PIK3AP1: variants seen among roughly 807,000 people sequenced by gnomAD.
The protein encoded by PIK3AP1 is phosphoinositide-3-kinase adaptor protein 1.
In PIK3AP1, 21 loss-of-function variants were observed where a neutral mutation model predicts 88.1. That is an observed-to-expected ratio of 0.24 (90% CI 0.17 to 0.34). PIK3AP1 has a LOEUF of 0.34. Ranked by LOEUF, PIK3AP1 falls within the 10% of genes least tolerant of loss-of-function variation. The pLI is 1.00. For synonymous variants in PIK3AP1, 398 were observed against 400.0 expected, an observed-to-expected ratio of 1.00 and a Z score of 0.06; for missense variants, 828 against 1,035.7, an observed-to-expected ratio of 0.80 and a Z score of 2.75.
intron 2 of PIK3AP1, among the ~76,000 whole-genome samples, chr10:96,658,816 T>C (rs1223310378): frequency 1.4e-5 from 2 of 146,322 alleles, no homozygotes; most frequent in East Asian, 3.8e-4. Context: ...TGTTAAGAGG[T>C]AGAGCAAAGG....
At chr10:96,647,162 C>T (rs1843470928) in intron 7 of PIK3AP1, among the ~76,000 whole-genome samples, 1 of 152,184 alleles carries the variant, frequency 6.6e-6, no homozygotes, top group Non-Finnish European at 1.5e-5. Flanking sequence ...GATGGTATGA[C>T]CTAGATTGAC....
At chr10:96,674,057 A>G (rs1410536795) in intron 2 of PIK3AP1, among the ~76,000 whole-genome samples, 2 of 152,102 alleles carry the variant, frequency 1.3e-5, no homozygotes, top group Non-Finnish European at 2.9e-5. Flanking sequence ...GGCTGGGTGG[A>G]GGTGGGGGTG....
intron 16 of PIK3AP1, among the ~76,000 whole-genome samples, chr10:96,599,915 T>G (rs1848855960): frequency 6.6e-6 from 1 of 152,180 alleles, no homozygotes; most frequent in Admixed American, 6.5e-5. Flanking sequence ...TTTTACACAT[T>G]TACATGCTTC....
At chr10:96,596,321 T>C (rs1043796471) in intron 16 of PIK3AP1, among the ~76,000 whole-genome samples, 1 of 152,216 alleles carries the variant, frequency 6.6e-6, no homozygotes, top group South Asian at 2.1e-4. Flanking sequence ...TAAAAGCTCT[T>C]GTCCACATTT....
At chr10:96,657,782 T>C (rs1843634933) in intron 2 of PIK3AP1, among the ~76,000 whole-genome samples, 1 of 152,064 alleles carries the variant, frequency 6.6e-6, no homozygotes, top group South Asian at 2.1e-4. Context: ...TAAGAATGGT[T>C]GAGAGGGCTG....
intron 2 of PIK3AP1, among the ~76,000 whole-genome samples, chr10:96,693,191 T>C (rs1185372068): frequency 6.6e-6 from 1 of 152,258 alleles, no homozygotes; most frequent in East Asian, 1.9e-4. Flanking sequence ...CTCACATTCA[T>C]TCTATTCAGT....
At chr10:96,709,227 T>C (rs1241575245) in intron 2 of PIK3AP1, among the ~76,000 whole-genome samples, 1 of 151,852 alleles carries the variant, frequency 6.6e-6, no homozygotes, top group African/African-American at 2.4e-5. Flanking sequence ...TGGGCAGTCT[T>C]GTTCCTCACA....
chr10:96,694,775 G>C (rs1264213911), intron 2 of PIK3AP1, among the ~76,000 whole-genome samples: 1 of 152,044 alleles, frequency 6.6e-6, no homozygotes, highest in Non-Finnish European at 1.5e-5. Flanking sequence ...CTGGGCTCAA[G>C]CAATCCTCCC....
intron 2 of PIK3AP1, among the ~76,000 whole-genome samples, chr10:96,705,346 C>T (rs1844347705): frequency 6.6e-6 from 1 of 152,090 alleles, no homozygotes; most frequent in South Asian, 2.1e-4. Flanking sequence ...CCAACCCTGG[C>T]CCCAAAGCTA....
intron 8 of PIK3AP1, among the ~76,000 whole-genome samples, chr10:96,639,972 G>A (rs973451242): frequency 2.5e-4 from 38 of 152,222 alleles, no homozygotes; most frequent in African/African-American, 9.2e-4. Flanking sequence ...CCAGCTTGCA[G>A]AGAGGGGCTG....
chr10:96,689,812 C>T (rs1844127515), intron 2 of PIK3AP1, among the ~76,000 whole-genome samples: 1 of 152,098 alleles, frequency 6.6e-6, no homozygotes, highest in Non-Finnish European at 1.5e-5. Flanking sequence ...TCCTGCTGGT[C>T]CTGTCTGCTT....
At chr10:96,706,289 G>A (rs1327339140) in intron 2 of PIK3AP1, among the ~76,000 whole-genome samples, 1 of 152,168 alleles carries the variant, frequency 6.6e-6, no homozygotes, top group Non-Finnish European at 1.5e-5. Flanking sequence ...TGGGCAGCTG[G>A]TGTAGTAACG....
chr10:96,663,594 T>C (rs1963240), intron 2 of PIK3AP1, among the ~76,000 whole-genome samples: 81,742 of 139,510 alleles, frequency 0.59, 24,398 homozygotes, highest in African/African-American at 0.77. Flanking sequence ...CGCACCACTG[T>C]ACTCCAGCCT....
At chr10:96,658,613 T>C (rs1268767512) in intron 2 of PIK3AP1, among the ~76,000 whole-genome samples, 1 of 152,004 alleles carries the variant, frequency 6.6e-6, no homozygotes, top group Non-Finnish European at 1.5e-5. Flanking sequence ...TAGCCTAGAG[T>C]GGAGGTCCCG....
intron 2 of PIK3AP1, chr10:96,700,806 CT>C: frequency 1.0e-6 from 1 of 985,636 alleles, no homozygotes; most frequent in Non-Finnish European, 1.2e-6. Context: ...GACTTACCAT[CT>C]GCGAGGCCAC....
intron 8 of PIK3AP1, among the ~76,000 whole-genome samples, chr10:96,644,035 G>C (rs1053481883): frequency 6.6e-6 from 1 of 152,254 alleles, no homozygotes; most frequent in Non-Finnish European, 1.5e-5. Context: ...AGGGCCTGCT[G>C]TGTGGGTCTC....
chr10:96,638,364 T>C (rs1287405879), intron 8 of PIK3AP1, among the ~76,000 whole-genome samples: 3 of 152,072 alleles, frequency 2.0e-5, no homozygotes, highest in African/African-American at 7.2e-5. Context: ...GCCTCCAGAA[T>C]TGTGAGCTAA....
intron 10 of PIK3AP1, 61 bp downstream of exon 10, chr10:96,626,647 A>G: frequency 6.5e-7 from 1 of 1,550,348 alleles, no homozygotes; most frequent in Non-Finnish European, 8.8e-7. Context: ...CAGGTCATCC[A>G]GGAAATCCCT....
rs142974137 is a variant in PIK3AP1, at chr10:96,617,304, T to C, written c.1942-593A>G. On this transcript the variant is annotated intron_variant, in intron 12 of 16. Coordinates refer to ENST00000339364, the MANE Select transcript of PIK3AP1 (RefSeq NM_152309.3). ...TCATTCAATAAATGTTGAATAGACA[T>C]GTAAGGGTCAAGATTGTTGCTATTT... is the stretch of plus-strand genomic sequence containing the variant. Among the ~76,000 whole-genome samples the C allele has an allele frequency of 5.0e-3, 755 of 152,318 alleles. 9 individuals carry two copies. Among genetic ancestry groups the C allele is most frequent in the African/African-American group, 0.017 (715 of 41,572 alleles).
Sources: allele counts gnomAD v4.1 joint callset (sites outside exome capture counted in the v4.1 genomes callset), GRCh38; gene constraint gnomAD v4.1.1; transcripts MANE v1.5; gene names NCBI Gene and HGNC (gene_info 2026-07-23, HGNC 2026-07-21).